Variants in PABIR2 observed in about 807,000 individuals in gnomAD.
The protein encoded by PABIR2 is family with sequence similarity 122B.
PABIR2 carries 7 observed loss-of-function variants against 22.8 expected under a neutral mutation model. The observed-to-expected ratio is 0.31, with a 90% CI of 0.17 to 0.58. The LOEUF is 0.58. PABIR2 is among the 20% of genes least tolerant of loss of function. The probability of loss-of-function intolerance (pLI) is 0.89; values close to 1 mark genes in which losing one functional copy is unlikely to be tolerated. For missense variants in PABIR2, 155 were observed against 205.1 expected, an observed-to-expected ratio of 0.76 and a Z score of 1.49; for synonymous variants, 67 against 73.8, an observed-to-expected ratio of 0.91 and a Z score of 0.47.
intron 9 of PABIR2, among the ~76,000 whole-genome samples, chrX:134,776,761 A>C (rs1464679855): frequency 5.3e-5 from 6 of 112,475 alleles, no homozygotes; most frequent in Non-Finnish European, 1.1e-4. Context: ...CATAAACTTT[A>C]ATCTAAAGGC....
At position 134,794,002 on chromosome X, in the gene PABIR2, C is replaced by T. The variant is rs1234549466; in HGVS notation, c.99-109G>A. 6.3e-6 allele frequency: 7 copies of T among 1,113,975 alleles called. No individual in the cohort carries two copies. In the African/African-American group the frequency reaches 1.1e-4, roughly 18 times the overall value. 91.8% of individuals were successfully genotyped at this position (1,113,975 alleles called of 1,213,427 possible). A position where few individuals can be genotyped will look rare whatever the true frequency, so the allele number is the denominator to read the frequency against. On this transcript the variant is annotated intron_variant, in intron 1 of 9. Coordinates refer to ENST00000343004, the MANE Select transcript of PABIR2 (RefSeq NM_001387468.1). ...TCAGTTATCTAGTTAACAACGAAAT[C>T]TTCCATGGCTCCTCATTTCATACAG...
chrX:134,783,789 G>T (rs1450218233), intron 8 of PABIR2, among the ~76,000 whole-genome samples: 2 of 110,151 alleles, frequency 1.8e-5, no homozygotes, highest in East Asian at 5.8e-4. Context: ...TATTGTTAAT[G>T]GCTGGGCATG....
In PABIR2 at chrX:134,789,236, T is replaced by C; in HGVS notation, c.265A>G (p.Thr89Ala). 8.2e-7 allele frequency: 1 copy of C among 1,212,360 alleles called. No individual in the cohort carries two copies. The part of the protein sequence containing the change: ...EEGLDMVNRE[T>A]AHEREMQTAM... ...CAAAGCACTAACCTTTCATGTGCAG[T>C]TTCTCTGTTCACCATATCCAGGCCT... The change falls in exon 4 of 10, where the codon ACT becomes GCT. Residue 89 changes from threonine to alanine, a missense_variant. By Grantham distance (58) the Thr-to-Ala change is moderately conservative. Coordinates refer to ENST00000343004, the MANE Select transcript of PABIR2 (RefSeq NM_001387468.1).
At chrX:134,772,413 G>T in intron 9 of PABIR2, 130 bp from the exon 10 acceptor site, 1 of 617,628 alleles carries the variant, frequency 1.6e-6, no homozygotes. Context: ...TAAAGCCACA[G>T]CAATGAACTA....
rs758001113 is a variant in PABIR2 at position 134,772,283 on chromosome X, A to G, written c.660T>C (p.Cys220=). The part of the protein sequence containing the change: ...DAAQLSDLSS[C]SDILDGSSSS... ...TACTACTGCCATCCAAAATATCTGA[A>G]CTGAAGACAAAGCAAAAAGAATTAT... Residue 220 remains cysteine (C), a splice_region_variant and synonymous_variant, in exon 10 of 10, where the codon TGT becomes TGC. Transcript: ENST00000343004. 1.7e-6 allele frequency: 2 copies of G among 1,179,371 alleles called. No individual in the cohort carries two copies. The highest frequency in any genetic ancestry group is 3.8e-5 in the South Asian group (2 of 52,015).
intron 9 of PABIR2, among the ~76,000 whole-genome samples, chrX:134,775,791 TGGTATAA>T (rs770836730): frequency 2.4e-3 from 269 of 110,864 alleles, no homozygotes; most frequent in Non-Finnish European, 4.5e-3. Context: ...GCACAAATTT[TGGTATAA>T]GGTATGACTA....
Position 134,796,381 on chromosome X carries a change from G to A in PABIR2, c.-176C>T. The A allele has an allele frequency of 2.4e-6, 1 of 411,325 alleles. No individual in the cohort carries two copies. Among genetic ancestry groups the A allele is most frequent in the Non-Finnish European group, 4.3e-6 (1 of 234,991 alleles). The allele number at this position is 411,325 out of a possible 1,213,427, so 33.9% of individuals were successfully genotyped here. A position where few individuals can be genotyped will look rare whatever the true frequency, so the allele number is the denominator to read the frequency against. On this transcript the variant is annotated 5_prime_UTR_variant, in exon 1 of 10. Coordinates refer to ENST00000343004, the MANE Select transcript of PABIR2 (RefSeq NM_001387468.1). Reference sequence around the variant, plus strand: ...CTGGGGGCGGAGAAAAGTAGGAGAGGAGGAGGGAAGGAGGATGATGATGAG... The same window carrying A: ...CTGGGGGCGGAGAAAAGTAGGAGAGAAGGAGGGAAGGAGGATGATGATGAG...
At chrX:134,789,795 T>G (rs780724445) in intron 2 of PABIR2, among the ~76,000 whole-genome samples, 159 bp from the exon 3 acceptor site, 8 of 112,311 alleles carry the variant, frequency 7.1e-5, no homozygotes, top group Non-Finnish European at 1.1e-4. Flanking sequence ...GGCAGTACAT[T>G]TAGTCTTCAA....
intron 8 of PABIR2, among the ~76,000 whole-genome samples, chrX:134,783,811 C>T (rs1225483626): frequency 1.8e-5 from 2 of 109,952 alleles, no homozygotes; most frequent in African/African-American, 3.3e-5. Context: ...TGGCTCATAC[C>T]TGTGTAATCC....
rs770667935 is a variant in PABIR2 at position 134,769,767 on chromosome X, T to C, written c.*2372A>G. The C allele has an allele frequency of 8.9e-6, 1 of 112,001 alleles. No homozygotes were observed. The highest frequency in any genetic ancestry group is 3.2e-5 in the African/African-American group (1 of 30,801). 9.2% of individuals were successfully genotyped at this position (112,001 alleles called of 1,213,427 possible). A position where few individuals can be genotyped will look rare whatever the true frequency, so the allele number is the denominator to read the frequency against. On this transcript the variant is annotated 3_prime_UTR_variant, in exon 10 of 10. Transcript: ENST00000343004. ...TGTTTTCAAATAGAAGCCTGAAATA[T>C]ATGATATATATTAGAATAGGAAGAG...
intron 2 of PABIR2, among the ~76,000 whole-genome samples, chrX:134,791,158 G>GTTA (rs1364101937): frequency 9.7e-4 from 107 of 110,564 alleles, no homozygotes; most frequent in African/African-American, 3.2e-3. Context: ...ACAGAGCAAA[G>GTTA]CTGTGTGTAG....
chrX:134,796,498 T>A lies in PABIR2; in HGVS notation c.-293A>T. 1.4e-5 allele frequency: 3 copies of A among 214,031 alleles called. No individual in the cohort carries two copies. The highest frequency in any genetic ancestry group is 2.5e-5 in the Non-Finnish European group (3 of 119,915). The allele number at this position is 214,031 out of a possible 1,213,427, so 17.6% of individuals were successfully genotyped here. On this transcript the variant is annotated 5_prime_UTR_variant, in exon 1 of 10. Transcript: ENST00000343004. The stretch of plus-strand genomic sequence containing the variant: ...AGGAAAAGGATGAAGGAAAGAAGGA[T>A]GGAGGGAAAACAAGGATGGAGGGAG...
chrX:134,788,118 TATATACACGTTATATATGTGTA>T, intron 6 of PABIR2, among the ~76,000 whole-genome samples: 1 of 104,361 alleles, frequency 9.6e-6, no homozygotes, highest in East Asian at 2.9e-4. Context: ...ATATGTGTAA[TATATACACGTTATATATGTGTA>T]ATATATACGT....
chrX:134,787,099 CTTTTTTTT>C (rs199859091), intron 7 of PABIR2, among the ~76,000 whole-genome samples: 979 of 94,437 alleles, frequency 0.01, 9 homozygotes, highest in African/African-American at 0.034. Context: ...AGTTAATCTT[CTTTTTTTT>C]TTTTTTTTTG....
chrX:134,793,739 T>G, intron 2 of PABIR2, 76 bp downstream of exon 2: 2 of 1,057,414 alleles, frequency 1.9e-6, no homozygotes. Flanking sequence ...GCATAGCACA[T>G]CATTTTAAGA....
intron 8 of PABIR2, among the ~76,000 whole-genome samples, chrX:134,784,494 C>CTT (rs113565776): frequency 1.0e-5 from 1 of 98,867 alleles, no homozygotes. Context: ...ACCTGTGTTG[C>CTT]TTTTTTTTTT....
chrX:134,777,313 G>C (rs2079004476), intron 9 of PABIR2, among the ~76,000 whole-genome samples: 1 of 111,396 alleles, frequency 9.0e-6, no homozygotes, highest in South Asian at 3.7e-4. Flanking sequence ...GATCACTTGA[G>C]CGCAGGAGTT....
rs186424143 is a variant in PABIR2 at position 134,773,711 on chromosome X, G to A, written c.660-1428C>T. On this transcript the variant is annotated intron_variant, in intron 9 of 9. Coordinates refer to ENST00000343004, the MANE Select transcript of PABIR2 (RefSeq NM_001387468.1). ...GGAAAAAAGCATCGAATTGGAGAAG[G>A]AATTATGAATCAGGAAACATGGGTT... Among the ~76,000 whole-genome samples, 147 of 100,291 alleles carry A rather than the reference G, an allele frequency of 1.5e-3. 1 individual carries two copies. The highest frequency in any genetic ancestry group is 2.3e-3 in the Non-Finnish European group (124 of 53,041). 87.1% of individuals were successfully genotyped at this position (100,291 alleles called of 115,157 possible).
rs965334765 is a variant in PABIR2, at chrX:134,772,027, T to C, written c.*112A>G. Reference sequence around the variant, plus strand: ...AAAGAGTAATAATAGCATCAGAATGTGTGAAATCTGTAAAACTTTAATCCT... The same window carrying C: ...AAAGAGTAATAATAGCATCAGAATGCGTGAAATCTGTAAAACTTTAATCCT... On this transcript the variant is annotated 3_prime_UTR_variant, in exon 10 of 10. Transcript: ENST00000343004. 8 of 1,055,763 alleles carry C rather than the reference T, an allele frequency of 7.6e-6. No homozygotes were observed. The highest frequency in any genetic ancestry group is 8.6e-6 in the Non-Finnish European group (7 of 815,699). 87.0% of individuals were successfully genotyped at this position (1,055,763 alleles called of 1,213,427 possible). A position where few individuals can be genotyped will look rare whatever the true frequency, so the allele number is the denominator to read the frequency against.
Sources: allele counts gnomAD v4.1 joint callset (sites outside exome capture counted in the v4.1 genomes callset), GRCh38; gene constraint gnomAD v4.1.1; transcripts MANE v1.5; gene names NCBI Gene and HGNC (gene_info 2026-07-23, HGNC 2026-07-21).